The following TMPRSS11B variants were observed in gnomAD, a reference collection of about 807,000 sequenced individuals.
The protein encoded by TMPRSS11B is transmembrane serine protease 11B, also known as transmembrane protease serine 11B.
A neutral mutation model predicts 44.7 loss-of-function variants in TMPRSS11B; 53 were observed. The observed-to-expected ratio is 1.19, with a 90% CI of 0.95 to 1.49. The LOEUF (loss-of-function observed/expected upper bound fraction) is 1.49. TMPRSS11B is among the 40% of genes most tolerant of loss of function. The pLI is 0.00. For synonymous variants in TMPRSS11B, 140 were observed against 159.2 expected, an observed-to-expected ratio of 0.88 and a Z score of 0.91; for missense variants, 526 against 494.8, an observed-to-expected ratio of 1.06 and a Z score of -0.60.
rs151107040 is a variant in TMPRSS11B, at chr4:68,236,187, T to C, written c.204A>G (p.Gln68=). The part of the protein sequence containing the change: ...YNDNCENAAS[Q]ASTNLSKDIE... ...TATCTTTGCTTAGATTTGTGCTGGC[T>C]TGTGAAGCTGCGTTTTCACAATTAT... is the stretch of plus-strand genomic sequence containing the variant. Residue 68 remains glutamine, a synonymous_variant, in exon 3 of 10, where the codon CAA becomes CAG. Transcript: ENST00000332644. The C allele has an allele frequency of 1.7e-4, 267 of 1,612,734 alleles. 1 individual carries two copies. In the African/African-American group the frequency reaches 3.1e-3, roughly 19 times the overall value.
chr4:68,238,451 C>CGG lies in TMPRSS11B; in HGVS notation c.125-2187_125-2186dup, dbSNP rs558608914. 2.6e-3 allele frequency among the ~76,000 whole-genome samples: 391 copies of CGG among 151,752 alleles called. 1 individual carries two copies. The highest frequency in any genetic ancestry group is 9.0e-3 in the African/African-American group (374 of 41,412). ...ACAAAAACTAAATTGCAGCCTGGTGCGGTGGCTCCCAGCTGTAATCCCAGA... is the reference window on the plus strand; with the variant it reads ...ACAAAAACTAAATTGCAGCCTGGTGCGGGGTGGCTCCCAGCTGTAATCCCAGA... On this transcript the variant is annotated intron_variant, in intron 2 of 9. Transcript: ENST00000332644.
At chr4:68,238,584 A>G (rs1368161884) in intron 2 of TMPRSS11B, among the ~76,000 whole-genome samples, 2 of 149,944 alleles carry the variant, frequency 1.3e-5, no homozygotes, top group African/African-American at 4.9e-5. Context: ...AAAATTAGCC[A>G]GGAGTGTTGG....
At chr4:68,237,978 C>A (rs1719721840) in intron 2 of TMPRSS11B, among the ~76,000 whole-genome samples, 1 of 152,090 alleles carries the variant, frequency 6.6e-6, no homozygotes, top group African/African-American at 2.4e-5. Context: ...AATTGCACCA[C>A]TGCACTCCAG....
chr4:68,240,463 T>C (rs562893351), intron 2 of TMPRSS11B, among the ~76,000 whole-genome samples: 136 of 152,260 alleles, frequency 8.9e-4, no homozygotes, highest in Non-Finnish European at 1.5e-3. Flanking sequence ...CCCATGCACC[T>C]CCTGCTCCAG....
At chr4:68,242,339 TA>T (rs1719875620) in intron 1 of TMPRSS11B, among the ~76,000 whole-genome samples, 1 of 10,624 alleles carries the variant, frequency 9.4e-5, no homozygotes, top group African/African-American at 2.9e-4. Flanking sequence ...TTATATTATA[TA>T]TATATTATAT....
At chr4:68,228,363 A>G (rs1719413279) in intron 9 of TMPRSS11B, among the ~76,000 whole-genome samples, 1 of 152,226 alleles carries the variant, frequency 6.6e-6, no homozygotes, top group African/African-American at 2.4e-5. Context: ...TTAAGTCTCT[A>G]TGATGAAGCC....
Position 68,227,928 on chromosome 4 carries a change from A to G in TMPRSS11B, c.1234T>C (p.Ser412Pro). The G allele has an allele frequency of 1.2e-6, 2 of 1,611,542 alleles. No individual in the cohort carries two copies. Among genetic ancestry groups the G allele is most frequent in the South Asian group, 1.1e-5 (1 of 90,524 alleles). Reference sequence around the variant, plus strand: ...CTTTTTTTTCAGAGTCCAGTCTTGGATGTAATCCAATTGCGATAAGAAGTC... The same window carrying G: ...CTTTTTTTTCAGAGTCCAGTCTTGGGTGTAATCCAATTGCGATAAGAAGTC... ...RVTSYRNWITSKTGL is the reference protein window; with the variant it reads ...RVTSYRNWITPKTGL Residue 412 changes from serine to proline, a missense_variant, in exon 10 of 10, where the codon TCC (serine) becomes CCC (proline). Ser to Pro is a moderately conservative substitution (Grantham distance 74). Coordinates refer to ENST00000332644, the MANE Select transcript of TMPRSS11B (RefSeq NM_182502.3).
intron 9 of TMPRSS11B, 23 bp downstream of exon 9, chr4:68,228,719 C>A: frequency 6.4e-7 from 1 of 1,573,090 alleles, no homozygotes; most frequent in South Asian, 1.2e-5. Context: ...GAGAAAACAA[C>A]TGGATAATGT....
At chr4:68,238,898 ATACTGAACCAGGGTATT>A (rs953982615) in intron 2 of TMPRSS11B, among the ~76,000 whole-genome samples, 1 of 152,202 alleles carries the variant, frequency 6.6e-6, no homozygotes, top group Non-Finnish European at 1.5e-5. Flanking sequence ...TACATCCAGA[ATACTGAACCAGGGTATT>A]TACAAGTAGG....
At chr4:68,232,996 T>C (rs372355295) in intron 5 of TMPRSS11B, among the ~76,000 whole-genome samples, 6 of 152,198 alleles carry the variant, frequency 3.9e-5, no homozygotes, top group African/African-American at 1.4e-4. Flanking sequence ...ACTGAGCCCA[T>C]CCTGCTCTTT....
chr4:68,229,438 G>C lies in TMPRSS11B; in HGVS notation c.765C>G (p.Asn255Lys). Residue 255 changes from asparagine (N) to lysine (K), a missense_variant, in exon 8 of 10, where the codon AAC (asparagine) becomes AAG (lysine). Asn to Lys is a moderately conservative substitution (Grantham distance 94). Transcript: ENST00000332644. Reference protein sequence around the residue: ...NKPYMTRKVQNIIFHENYSSP... With the variant: ...NKPYMTRKVQKIIFHENYSSP... ...TGCTATAATTTTCATGAAAAATAAT[G>C]TTTTGGACTTTCCGTGTCATATATG... is the stretch of plus-strand genomic sequence containing the variant. 6.2e-7 allele frequency: 1 copy of C among 1,613,888 alleles called. No individual in the cohort carries two copies. Among genetic ancestry groups the C allele is most frequent in the Non-Finnish European group, 8.5e-7 (1 of 1,179,890 alleles).
In TMPRSS11B at chr4:68,234,556, T is replaced by C; in HGVS notation, c.376A>G (p.Ser126Gly). 6.2e-7 allele frequency: 1 copy of C among 1,613,994 alleles called. No homozygotes were observed. The highest frequency in any genetic ancestry group is 8.5e-7 in the Non-Finnish European group (1 of 1,179,960). ...KFKFPPAEGV[S>G]MRTKIKAKLH... ...TTAGCCTTGATTTTAGTCCTCATGC[T>C]AACTCCTTCTGCTGGAGGAAACTTG... Residue 126 changes from serine (S) to glycine (G), a missense_variant, in exon 5 of 10, where the codon AGC (serine) becomes GGC (glycine). Transcript: ENST00000332644.
At chr4:68,231,122 A>G in intron 7 of TMPRSS11B, 81 bp downstream of exon 7, 2 of 1,246,770 alleles carry the variant, frequency 1.6e-6, no homozygotes, top group Non-Finnish European at 1.1e-6. Flanking sequence ...GTGAACCTTG[A>G]CACATTAAGT....
rs147875411 is a variant in TMPRSS11B, at chr4:68,235,507, G to A, written c.308+495C>T. 3.5e-3 allele frequency among the ~76,000 whole-genome samples: 538 copies of A among 152,088 alleles called. 3 individuals carry two copies. The highest frequency in any genetic ancestry group is 5.9e-3 in the Non-Finnish European group (398 of 67,990). ...CCCTCCCTACCACCACTATCTTCAG[G>A]CATCCTTCAAAGGTGTGTCTAGACA... On this transcript the variant is annotated intron_variant, in intron 4 of 9. Transcript: ENST00000332644.
chr4:68,232,313 T>C, intron 6 of TMPRSS11B, 65 bp downstream of exon 6: 1 of 1,462,044 alleles, frequency 6.8e-7, no homozygotes, highest in Admixed American at 1.9e-5. Flanking sequence ...GTATTTTTAA[T>C]AGAAAAATAA....
intron 1 of TMPRSS11B, among the ~76,000 whole-genome samples, chr4:68,243,060 A>G (rs888790313): frequency 6.6e-5 from 10 of 152,296 alleles, no homozygotes; most frequent in Middle Eastern, 3.4e-3. Flanking sequence ...CTTAATCTAC[A>G]TAAAGTTTGA....
rs34414922 is a variant in TMPRSS11B at position 68,227,405 on chromosome 4, C to CTTTTTTTTTTT, written c.*495_*505dup. The stretch of plus-strand genomic sequence containing the variant: ...TTAGCCTTCTTTATTTTCTTCTCTC[C>CTTTTTTTTTTT]TTTTTTTTTTTTTTTTTTTGAGACA... On this transcript the variant is annotated 3_prime_UTR_variant, in exon 10 of 10. Transcript: ENST00000332644. 8.5e-6 allele frequency: 1 copy of CTTTTTTTTTTT among 117,134 alleles called. No individual in the cohort carries two copies. The highest frequency in any genetic ancestry group is 1.6e-5 in the Non-Finnish European group (1 of 60,660). The allele number at this position is 117,134 out of a possible 1,614,324, so 7.3% of individuals were successfully genotyped here.
intron 2 of TMPRSS11B, 47 bp downstream of exon 2, chr4:68,241,642 T>G: frequency 8.3e-7 from 1 of 1,203,928 alleles, no homozygotes; most frequent in Non-Finnish European, 1.2e-6. Flanking sequence ...TTTTTAAAAT[T>G]TAAAGATTTA....
At position 68,241,784 on chromosome 4, in the gene TMPRSS11B, C is replaced by A; in HGVS notation, c.29G>T (p.Arg10Ile). The A allele has an allele frequency of 2.5e-6, 4 of 1,613,028 alleles. No homozygotes were observed. The highest frequency in any genetic ancestry group is 3.4e-6 in the Non-Finnish European group (4 of 1,179,334). The change falls in exon 2 of 10, where the codon AGA becomes ATA. Residue 10 changes from arginine to isoleucine, a missense_variant. Arg to Ile is a moderately conservative substitution (Grantham distance 97). Transcript: ENST00000332644. Reference sequence around the variant, plus strand: ...GATCGTAGTCCATAGTGGCCAAGATCTTTGGGAAGATATGCCGTGCCTATG... The same window carrying A: ...GATCGTAGTCCATAGTGGCCAAGATATTTGGGAAGATATGCCGTGCCTATG... MYRHGISSQ[R>I]SWPLWTTIFI...
Sources: gnomAD v4.1 joint callset for allele counts (sites outside exome capture counted in the v4.1 genomes callset) on GRCh38, gnomAD v4.1.1 for gene constraint, MANE v1.5 for transcripts, NCBI Gene and HGNC (gene_info 2026-07-23, HGNC 2026-07-21) for gene names.